Variants in CD109 observed in about 807,000 individuals in gnomAD.
The protein encoded by CD109 is CD109 molecule.
Under a neutral mutation model 165.8 loss-of-function variants are expected in CD109, and 149 were observed. That is an observed-to-expected ratio of 0.90 (90% confidence interval 0.79 to 1.03). The LOEUF is 1.03. Ranked by LOEUF, CD109 falls within the 50% of genes least tolerant of loss-of-function variation. The pLI is 0.00. For synonymous variants in CD109, 585 were observed against 592.1 expected (o/e 0.99, Z 0.18); for missense variants, 1,712 against 1,677.8 (o/e 1.02, Z -0.36).
At chr6:73,767,193 C>T (rs1773886478) in intron 13 of CD109, among the ~76,000 whole-genome samples, 183 bp downstream of exon 13, 1 of 152,068 alleles carries the variant, frequency 6.6e-6, no homozygotes, top group Non-Finnish European at 1.5e-5. Flanking sequence ...TTTTCCTGAT[C>T]CTCTCCCTCC....
chr6:73,770,364 A>T (rs1418148077), intron 14 of CD109, among the ~76,000 whole-genome samples: 1 of 152,256 alleles, frequency 6.6e-6, no homozygotes, highest in Non-Finnish European at 1.5e-5. Flanking sequence ...AGTCGAGTCA[A>T]CTTGAGGGGA....
In CD109 at chr6:73,782,625, G is replaced by T. The variant is rs750900209; in HGVS notation, c.1975G>T (p.Glu659Ter). The change falls in exon 18 of 33, where the codon GAA becomes TAA. Residue 659 changes from glutamate (E) to a stop codon, truncating the protein, a stop_gained. Transcript: ENST00000287097. LOFTEE classifies it high-confidence loss of function. ...DYIDGVYDNA[E>*]YAERFMEENE... is the part of the protein sequence containing the mutation. ...ATGTTTATTTATAGATGACAATGCA[G>T]AATATGCTGAGAGGTTTATGGAGGA... The T allele has an allele frequency of 5.0e-6, 8 of 1,613,010 alleles. No individual in the cohort carries two copies. The Admixed American group carries it at 5.0e-5, about 10-fold the overall frequency.
chr6:73,784,342 C>T (rs752400269), intron 19 of CD109, among the ~76,000 whole-genome samples: 10 of 152,144 alleles, frequency 6.6e-5, no homozygotes, highest in Non-Finnish European at 1.2e-4. Context: ...ACAAAATAAT[C>T]GTATTCATGA....
chr6:73,733,018 T>C (rs1772420522), intron 4 of CD109, among the ~76,000 whole-genome samples: 1 of 152,176 alleles, frequency 6.6e-6, no homozygotes, highest in South Asian at 2.1e-4. Context: ...ACCTGGGAAG[T>C]GATGCTCAAA....
intron 30 of CD109, among the ~76,000 whole-genome samples, chr6:73,817,678 C>A (rs1159236875): frequency 6.6e-6 from 1 of 152,144 alleles, no homozygotes; most frequent in Non-Finnish European, 1.5e-5. Flanking sequence ...AAAGCTCTTG[C>A]CATCAATTCA....
chr6:73,803,216 CT>C lies in CD109; in HGVS notation c.2879-3del. ...TTTGACTATCTGTCTATTTTTGTGT[CT>C]AGGTTACCAGAGAGAACTTCTCTAT... On this transcript the variant is annotated splice_polypyrimidine_tract_variant and splice_region_variant and intron_variant, in intron 23 of 32. Coordinates refer to ENST00000287097, the MANE Select transcript of CD109 (RefSeq NM_133493.5). 6.2e-7 allele frequency: 1 copy of C among 1,604,436 alleles called. No individual in the cohort carries two copies. The highest frequency in any genetic ancestry group is 8.5e-7 in the Non-Finnish European group (1 of 1,172,674).
At chr6:73,723,468 T>A (rs1422827422) in intron 3 of CD109, among the ~76,000 whole-genome samples, 189 bp downstream of exon 3, 1 of 152,216 alleles carries the variant, frequency 6.6e-6, no homozygotes, top group Non-Finnish European at 1.5e-5. Context: ...ATGAGGCTCT[T>A]CAAACTCTTG....
At chr6:73,763,880 CA>C (rs1773735898) in intron 10 of CD109, among the ~76,000 whole-genome samples, 195 bp downstream of exon 10, 1 of 152,072 alleles carries the variant, frequency 6.6e-6, no homozygotes, top group Middle Eastern at 3.2e-3. Context: ...TAGTTTTCAA[CA>C]ACAGTAAAAA....
At chr6:73,712,115 A>G (rs1771561577) in intron 2 of CD109, among the ~76,000 whole-genome samples, 1 of 152,214 alleles carries the variant, frequency 6.6e-6, no homozygotes, top group Non-Finnish European at 1.5e-5. Context: ...GGGCTGAGGC[A>G]GGAGGATTGC....
chr6:73,725,946 T>G (rs1042887753), intron 3 of CD109, among the ~76,000 whole-genome samples: 9 of 152,228 alleles, frequency 5.9e-5, no homozygotes, highest in Non-Finnish European at 1.0e-4. Flanking sequence ...GAGATTATAT[T>G]TTGGAGTGTA....
chr6:73,771,569 T>G lies in CD109; in HGVS notation c.1815T>G (p.Ile605Met). The change falls in exon 15 of 33, where the codon ATT becomes ATG. Residue 605 changes from isoleucine (I) to methionine (M), a missense_variant. Transcript: ENST00000287097. ...SVNLMNASND[I>M]TMENVVHELE... is the part of the protein sequence containing the mutation. ...ATCTGATGAATGCCTCTAATGATAT[T>G]ACAATGGAAAATGTGAGTTTAGCTA... is the stretch of plus-strand genomic sequence containing the variant. 6.4e-7 allele frequency: 1 copy of G among 1,569,462 alleles called. No homozygotes were observed. The highest frequency in any genetic ancestry group is 1.2e-5 in the South Asian group (1 of 81,746).
At position 73,827,077 on chromosome 6, in the gene CD109, A is replaced by G. The variant is rs564347237; in HGVS notation, c.*3444A>G. 24 of 152,276 alleles carry G rather than the reference A, an allele frequency of 1.6e-4. No individual in the cohort carries two copies. The highest frequency in any genetic ancestry group is 7.8e-4 in the Admixed American group (12 of 15,292). The allele number at this position is 152,276 out of a possible 1,614,324, so 9.4% of individuals were successfully genotyped here. ...AGAATTATTTTATTAACCTGCTGGC[A>G]TATAATCTGGAGTTCTTTTCACAAC... On this transcript the variant is annotated 3_prime_UTR_variant, in exon 33 of 33. Coordinates refer to ENST00000287097, the MANE Select transcript of CD109 (RefSeq NM_133493.5).
chr6:73,823,658 A>C lies in CD109; in HGVS notation c.*25A>C. The C allele has an allele frequency of 6.4e-7, 1 of 1,571,104 alleles. No individual in the cohort carries two copies. The highest frequency in any genetic ancestry group is 8.7e-7 in the Non-Finnish European group (1 of 1,149,622). ...ATTTATTTTTAAAGGACTCTGTGTA[A>C]CACTAACATTTCCAGTAGTCACATG... is the stretch of plus-strand genomic sequence containing the variant. On this transcript the variant is annotated 3_prime_UTR_variant, in exon 33 of 33. Coordinates refer to ENST00000287097, the MANE Select transcript of CD109 (RefSeq NM_133493.5).
intron 4 of CD109, among the ~76,000 whole-genome samples, chr6:73,735,887 TG>T (rs1562037835): frequency 2.0e-5 from 3 of 152,232 alleles, no homozygotes; most frequent in South Asian, 4.1e-4. Context: ...CTTTAATAAA[TG>T]GGGCCTGTTA....
At chr6:73,740,237 A>G (rs12203043) in intron 5 of CD109, among the ~76,000 whole-genome samples, 42,461 of 152,026 alleles carry the variant, frequency 0.28, 6,220 homozygotes, top group Admixed American at 0.35. Context: ...TGATATGAGT[A>G]TTCCCACTGA....
At chr6:73,763,794 A>G in intron 10 of CD109, 109 bp downstream of exon 10, 1 of 503,518 alleles carries the variant, frequency 2.0e-6, no homozygotes, top group Non-Finnish European at 3.4e-6. Flanking sequence ...CAAAAAGTAT[A>G]TAACTTTGTC....
At chr6:73,815,260 C>T (rs975105688) in intron 30 of CD109, 137 bp downstream of exon 30, 17 of 580,472 alleles carry the variant, frequency 2.9e-5, no homozygotes, top group Non-Finnish European at 3.5e-5. Flanking sequence ...CTTCAGATTA[C>T]AAACTAGAAA....
At chr6:73,807,656 A>G (rs1176363305) in intron 25 of CD109, among the ~76,000 whole-genome samples, 2 of 152,134 alleles carry the variant, frequency 1.3e-5, no homozygotes, top group South Asian at 4.1e-4. Context: ...CACCAAAGTC[A>G]TTCTCTTTAT....
chr6:73,792,258 C>A (rs560860007), intron 22 of CD109, among the ~76,000 whole-genome samples: 1 of 151,988 alleles, frequency 6.6e-6, no homozygotes, highest in Non-Finnish European at 1.5e-5. Context: ...ATTTTGTTTG[C>A]GTGAAGAATA....
Sources: allele counts gnomAD v4.1 joint callset (sites outside exome capture counted in the v4.1 genomes callset), GRCh38; gene constraint gnomAD v4.1.1; transcripts MANE v1.5; gene names NCBI Gene and HGNC (gene_info 2026-07-23, HGNC 2026-07-21).